The following SH3KBP1 variants were observed in gnomAD, a reference collection of about 807,000 sequenced individuals.
The protein encoded by SH3KBP1 is SH3 domain-containing kinase-binding protein 1.
A neutral mutation model predicts 50.1 loss-of-function variants in SH3KBP1; 8 were observed. The ratio of observed to expected loss-of-function variants is 0.16; its 90% CI spans 0.09 to 0.29. The LOEUF (loss-of-function observed/expected upper bound fraction) is 0.29, where lower values mean the gene tolerates loss of function less well. Among genes scored for constraint, SH3KBP1 ranks in the 10% least tolerant of loss-of-function variants. SH3KBP1 has a pLI of 1.00. For missense variants in SH3KBP1, 377 were observed against 535.2 expected (o/e 0.70, Z 2.92); for synonymous variants, 227 against 218.6 (o/e 1.04, Z -0.34).
chrX:19,654,903 G>C (rs2062234738), intron 6 of SH3KBP1, among the ~76,000 whole-genome samples: 1 of 111,995 alleles, frequency 8.9e-6, no homozygotes, highest in Non-Finnish European at 1.9e-5. Context: ...CCATGAAGTA[G>C]CTGTATGAAT....
At chrX:19,678,732 A>T (rs2062984370) in intron 6 of SH3KBP1, among the ~76,000 whole-genome samples, 1 of 111,656 alleles carries the variant, frequency 9.0e-6, no homozygotes, top group East Asian at 2.8e-4. Context: ...CAGGAAAGCC[A>T]GTATGTTTCT....
At chrX:19,612,227 G>A (rs1175704748) in intron 8 of SH3KBP1, among the ~76,000 whole-genome samples, 3 of 111,729 alleles carry the variant, frequency 2.7e-5, no homozygotes, top group Admixed American at 9.5e-5. Context: ...TATGAGGGCT[G>A]TGCTTTCGAA....
chrX:19,871,124 A>G (rs1603288355), intron 1 of SH3KBP1, among the ~76,000 whole-genome samples: 1 of 112,530 alleles, frequency 8.9e-6, no homozygotes, highest in Middle Eastern at 4.6e-3. Flanking sequence ...GCTAAAATTT[A>G]TATCTTTCCT....
chrX:19,772,809 T>G (rs1311253264), intron 2 of SH3KBP1, among the ~76,000 whole-genome samples: 1 of 111,693 alleles, frequency 9.0e-6, no homozygotes, highest in African/African-American at 3.3e-5. Flanking sequence ...CAGCTGGCTC[T>G]TCCTCCTCAT....
At chrX:19,733,698 T>C (rs2064447477) in intron 3 of SH3KBP1, among the ~76,000 whole-genome samples, 1 of 109,731 alleles carries the variant, frequency 9.1e-6, no homozygotes, top group South Asian at 3.8e-4. Context: ...TCAAAATCAA[T>C]CGTAAACAAA....
intron 2 of SH3KBP1, among the ~76,000 whole-genome samples, chrX:19,792,135 G>A (rs1362126750): frequency 3.6e-5 from 4 of 111,605 alleles, no homozygotes; most frequent in Non-Finnish European, 7.5e-5. Context: ...GTACACAACA[G>A]GAGACTAAGT....
intron 2 of SH3KBP1, among the ~76,000 whole-genome samples, chrX:19,803,778 G>A (rs1214283437): frequency 9.0e-6 from 1 of 111,615 alleles, no homozygotes; most frequent in African/African-American, 3.3e-5. Flanking sequence ...AAATCATACC[G>A]TGAAAGTGGC....
intron 8 of SH3KBP1, among the ~76,000 whole-genome samples, chrX:19,609,549 G>A (rs2067346131): frequency 8.9e-6 from 1 of 111,877 alleles, no homozygotes; most frequent in Non-Finnish European, 1.9e-5. Context: ...AAAGCAAGAA[G>A]GTGACAGAGA....
At chrX:19,581,076 C>A (rs939821116) in intron 12 of SH3KBP1, among the ~76,000 whole-genome samples, 2 of 111,519 alleles carry the variant, frequency 1.8e-5, no homozygotes, top group African/African-American at 6.5e-5. Flanking sequence ...CTCAACCTCT[C>A]AAGTAGCTGG....
chrX:19,541,771 G>A (rs745564685), intron 16 of SH3KBP1, among the ~76,000 whole-genome samples, 154 bp downstream of exon 16: 4 of 111,640 alleles, frequency 3.6e-5, no homozygotes, highest in Admixed American at 9.4e-5. Flanking sequence ...TAAGACTCTC[G>A]GGGTCTACAC....
chrX:19,873,290 GTA>G (rs60336593), intron 1 of SH3KBP1, among the ~76,000 whole-genome samples: 6,589 of 71,091 alleles, frequency 0.093, 300 homozygotes, highest in African/African-American at 0.17. Context: ...ATATATATAT[GTA>G]TATATATATA....
chrX:19,546,827 C>T (rs2065097194), intron 14 of SH3KBP1, among the ~76,000 whole-genome samples: 1 of 111,713 alleles, frequency 9.0e-6, no homozygotes. Flanking sequence ...CCTGTTCTTT[C>T]TGCCTCACTG....
At chrX:19,659,555 G>A (rs1355006851) in intron 6 of SH3KBP1, among the ~76,000 whole-genome samples, 3 of 111,758 alleles carry the variant, frequency 2.7e-5, no homozygotes, top group Non-Finnish European at 5.6e-5. Context: ...GGCATGAGCC[G>A]CTGCACCCAG....
At chrX:19,797,428 C>T (rs908094986) in intron 2 of SH3KBP1, among the ~76,000 whole-genome samples, 1 of 111,616 alleles carries the variant, frequency 9.0e-6, no homozygotes, top group Non-Finnish European at 1.9e-5. Flanking sequence ...AGGCAGTGGC[C>T]GAGTGGGAAG....
rs1159473315 is a variant in SH3KBP1, at chrX:19,776,542, T to C, written c.163-30101A>G. Reference sequence around the variant, plus strand: ...TAGCTTGACAACCTGGTTTTTTTTTTTTTTTTTTTTTTTTTTTTAGAGAGA... The same window carrying C: ...TAGCTTGACAACCTGGTTTTTTTTTCTTTTTTTTTTTTTTTTTTAGAGAGA... On this transcript the variant is annotated intron_variant, in intron 2 of 17. Transcript: ENST00000397821. Among the ~76,000 whole-genome samples the C allele has an allele frequency of 3.6e-5, 3 of 83,117 alleles. No individual in the cohort carries two copies. The East Asian group carries it at 1.1e-3, about 31-fold the overall frequency. 72.2% of individuals were successfully genotyped at this position (83,117 alleles called of 115,157 possible).
At chrX:19,585,712 C>T (rs1278783306) in intron 12 of SH3KBP1, among the ~76,000 whole-genome samples, 1 of 112,184 alleles carries the variant, frequency 8.9e-6, no homozygotes, top group Non-Finnish European at 1.9e-5. Flanking sequence ...GCAGCAGCAG[C>T]AGCAGCAGCT....
chrX:19,614,415 T>G (rs1487309387), intron 8 of SH3KBP1, among the ~76,000 whole-genome samples: 6 of 112,421 alleles, frequency 5.3e-5, no homozygotes, highest in South Asian at 7.3e-4. Context: ...GTTAACAGAA[T>G]GAGCTACAAT....
At chrX:19,684,739 C>T (rs2063129496) in intron 5 of SH3KBP1, among the ~76,000 whole-genome samples, 1 of 112,232 alleles carries the variant, frequency 8.9e-6, no homozygotes, top group Non-Finnish European at 1.9e-5. Flanking sequence ...CTTCTTCTCT[C>T]CTTTAAACAC....
chrX:19,873,650 G>A (rs1386576716), intron 1 of SH3KBP1, among the ~76,000 whole-genome samples: 1 of 102,968 alleles, frequency 9.7e-6, no homozygotes, highest in Non-Finnish European at 2.0e-5. Flanking sequence ...CCAGCCTGGG[G>A]GATAGAGCAA....
Sources: allele counts gnomAD v4.1 joint callset (sites outside exome capture counted in the v4.1 genomes callset), GRCh38; gene constraint gnomAD v4.1.1; transcripts MANE v1.5; gene names NCBI Gene and HGNC (gene_info 2026-07-23, HGNC 2026-07-21).